IMMP2L: variants seen among roughly 807,000 people sequenced by gnomAD.
The protein encoded by IMMP2L is mitochondrial inner membrane protease subunit 2.
IMMP2L carries 18 observed loss-of-function variants against 19.3 expected under a neutral mutation model. The observed-to-expected ratio is 0.93, with a 90% CI of 0.64 to 1.38. The LOEUF (loss-of-function observed/expected upper bound fraction) is 1.38. Among genes scored for constraint, IMMP2L ranks in the 40% most tolerant of loss-of-function variants. IMMP2L has a pLI of 0.00. For synonymous variants in IMMP2L, 76 were observed against 73.0 expected, an observed-to-expected ratio of 1.04 and a Z score of -0.21; for missense variants, 233 against 218.2, an observed-to-expected ratio of 1.07 and a Z score of -0.43.
At chr7:110,723,212 G>A (rs996128625) in intron 5 of IMMP2L, among the ~76,000 whole-genome samples, 1 of 152,146 alleles carries the variant, frequency 6.6e-6, no homozygotes, top group Non-Finnish European at 1.5e-5. Flanking sequence ...TTATGATTGG[G>A]ATTTTGAAGT....
intron 5 of IMMP2L, among the ~76,000 whole-genome samples, chr7:110,721,289 A>C (rs1311976407): frequency 6.6e-6 from 1 of 152,142 alleles, no homozygotes. Flanking sequence ...TGCAAGGACT[A>C]AAATGAAATA....
chr7:110,914,073 C>T (rs1296461909), intron 4 of IMMP2L, among the ~76,000 whole-genome samples: 1 of 152,138 alleles, frequency 6.6e-6, no homozygotes, highest in African/African-American at 2.4e-5. Flanking sequence ...AAACTGTTGC[C>T]ATGATCTTTG....
At position 110,950,858 on chromosome 7, in the gene IMMP2L, A is replaced by ATATGTATG. The variant is rs1554470740; in HGVS notation, c.305+12641_305+12642insCATACATA. Among the ~76,000 whole-genome samples, 3 of 136,298 alleles carry ATATGTATG rather than the reference A, an allele frequency of 2.2e-5. No individual in the cohort carries two copies. In the East Asian group the frequency reaches 6.3e-4, roughly 29 times the overall value. 89.4% of individuals were successfully genotyped at this position (136,298 alleles called of 152,430 possible). ...AAATGTGGCATATATATATATATATATATATATATATATGTATATATATGC... is the reference window on the plus strand; with the variant it reads ...AAATGTGGCATATATATATATATATATATGTATGTATATATATATATGTATATATATGC... On this transcript the variant is annotated intron_variant, in intron 4 of 5. Coordinates refer to ENST00000405709, the MANE Select transcript of IMMP2L (RefSeq NM_032549.4).
intron 3 of IMMP2L, among the ~76,000 whole-genome samples, chr7:111,158,107 T>G (rs1432885164): frequency 1.3e-5 from 2 of 151,890 alleles, no homozygotes; most frequent in African/African-American, 2.4e-5. Context: ...CATCCCATAC[T>G]CTATATACAA....
chr7:111,452,450 A>G (rs1486966282), intron 3 of IMMP2L, among the ~76,000 whole-genome samples: 2 of 152,192 alleles, frequency 1.3e-5, no homozygotes, highest in Non-Finnish European at 2.9e-5. Context: ...AAAATCCTTC[A>G]TAAGTAAGAT....
intron 3 of IMMP2L, among the ~76,000 whole-genome samples, chr7:111,323,627 C>A (rs2130540690): frequency 6.6e-6 from 1 of 152,168 alleles, no homozygotes; most frequent in East Asian, 1.9e-4. Flanking sequence ...TTCACCCAGC[C>A]ATCCCATTAC....
intron 5 of IMMP2L, among the ~76,000 whole-genome samples, chr7:110,777,347 G>T (rs145669674): frequency 5.3e-4 from 80 of 151,968 alleles, no homozygotes; most frequent in Middle Eastern, 3.4e-3. Context: ...TGTTTCCATG[G>T]GGGATAAATA....
intron 3 of IMMP2L, 143 bp downstream of exon 3, chr7:111,487,095 A>G (rs1422247048): frequency 2.3e-5 from 10 of 443,396 alleles, no homozygotes; most frequent in Non-Finnish European, 4.0e-5. Context: ...ACACTGCAAA[A>G]TTGATTTTTT....
intron 3 of IMMP2L, among the ~76,000 whole-genome samples, chr7:111,443,187 A>G (rs1837917949): frequency 6.6e-6 from 1 of 151,930 alleles, no homozygotes; most frequent in East Asian, 1.9e-4. Context: ...AAAAATGAGA[A>G]AATAAAGCTC....
intron 3 of IMMP2L, among the ~76,000 whole-genome samples, chr7:111,060,734 T>C (rs1793941756): frequency 6.6e-6 from 1 of 152,166 alleles, no homozygotes. Context: ...TCAACAGAAC[T>C]CAATAACAAT....
intron 5 of IMMP2L, among the ~76,000 whole-genome samples, chr7:110,883,143 A>T (rs1213915464): frequency 6.6e-6 from 1 of 152,202 alleles, no homozygotes; most frequent in Non-Finnish European, 1.5e-5. Context: ...TTCATGTTTC[A>T]TACTTTTCTA....
chr7:111,479,981 T>C (rs1416803814), intron 3 of IMMP2L, among the ~76,000 whole-genome samples: 1 of 152,114 alleles, frequency 6.6e-6, no homozygotes, highest in East Asian at 1.9e-4. Flanking sequence ...GTCTCTGAAC[T>C]AAGAAAATGT....
At chr7:111,421,259 G>GTT (rs1427366153) in intron 3 of IMMP2L, among the ~76,000 whole-genome samples, 2 of 134,928 alleles carry the variant, frequency 1.5e-5, no homozygotes, top group African/African-American at 5.7e-5. Flanking sequence ...GGGGTTGTTT[G>GTT]TTTTTTTCTT....
chr7:111,501,887 A>G (rs986475595), intron 2 of IMMP2L, among the ~76,000 whole-genome samples: 1 of 152,190 alleles, frequency 6.6e-6, no homozygotes, highest in Admixed American at 6.5e-5. Flanking sequence ...TGTAAAGACC[A>G]TCAAGGCTAG....
chr7:111,186,846 G>A (rs1365343876), intron 3 of IMMP2L, among the ~76,000 whole-genome samples: 3 of 151,970 alleles, frequency 2.0e-5, no homozygotes, highest in African/African-American at 7.3e-5. Context: ...TAAAGGACAG[G>A]ATGAGACAAA....
chr7:111,092,966 G>A (rs1418269862), intron 3 of IMMP2L, among the ~76,000 whole-genome samples: 1 of 152,068 alleles, frequency 6.6e-6, no homozygotes, highest in Non-Finnish European at 1.5e-5. Context: ...GCTATTATTG[G>A]TTTCCTAGTT....
At chr7:111,394,139 TTAAC>T (rs1207462749) in intron 3 of IMMP2L, among the ~76,000 whole-genome samples, 14 of 152,254 alleles carry the variant, frequency 9.2e-5, no homozygotes, top group South Asian at 4.1e-4. Context: ...ATATCATAGT[TTAAC>T]TGACAATATT....
chr7:111,464,901 G>A (rs903105588), intron 3 of IMMP2L, among the ~76,000 whole-genome samples: 1 of 152,008 alleles, frequency 6.6e-6, no homozygotes, highest in African/African-American at 2.4e-5. Flanking sequence ...CCATTCTCTC[G>A]CCTCAGCCTC....
chr7:111,004,982 T>C, intron 3 of IMMP2L, among the ~76,000 whole-genome samples: 1 of 152,178 alleles, frequency 6.6e-6, no homozygotes, highest in Admixed American at 6.6e-5. Flanking sequence ...CTGTCCCAGG[T>C]TGCTATAAGA....
Sources: allele counts gnomAD v4.1 joint callset (sites outside exome capture counted in the v4.1 genomes callset), GRCh38; gene constraint gnomAD v4.1.1; transcripts MANE v1.5; gene names NCBI Gene and HGNC (gene_info 2026-07-23, HGNC 2026-07-21).